The following INSRR variants were observed in gnomAD, a reference collection of about 807,000 sequenced individuals.
INSRR encodes the protein insulin receptor-related protein.
A neutral mutation model predicts 130.0 loss-of-function variants in INSRR; 114 were observed. The ratio of observed to expected loss-of-function variants is 0.88; its 90% confidence interval spans 0.75 to 1.02. The LOEUF (loss-of-function observed/expected upper bound fraction) is 1.02. INSRR is among the 50% of genes least tolerant of loss of function. INSRR has a pLI of 0.00. For missense variants in INSRR, 1,657 were observed against 1,735.2 expected, an observed-to-expected ratio of 0.95 and a Z score of 0.80; for synonymous variants, 674 against 705.2, an observed-to-expected ratio of 0.96 and a Z score of 0.70.
Position 156,852,005 on chromosome 1 carries a change from A to G in INSRR, c.824T>C (p.Val275Ala). The change falls in exon 3 of 22, where the codon GTC becomes GCC. Residue 275 changes from valine to alanine, a missense_variant. By Grantham distance (64) the Val-to-Ala change is moderately conservative (BLOSUM62 0). Coordinates refer to ENST00000368195, the MANE Select transcript of INSRR (RefSeq NM_014215.3). The stretch of plus-strand genomic sequence containing the variant: ...CAGGCTGGCACAGCGCTCAGCTGTG[A>G]CACAGCGCCAGGACTCATACTGGTA... ...GTYQYESWRC[V>A]TAERCASLHS... 1 of 1,612,940 alleles carries G rather than the reference A, an allele frequency of 6.2e-7. No individual in the cohort carries two copies. Among genetic ancestry groups the G allele is most frequent in the Non-Finnish European group, 8.5e-7 (1 of 1,179,440 alleles).
intron 2 of INSRR, among the ~76,000 whole-genome samples, chr1:156,852,759 G>A (rs991841094): frequency 6.6e-6 from 1 of 152,208 alleles, no homozygotes; most frequent in African/African-American, 2.4e-5. Flanking sequence ...CTATGGGAGC[G>A]ATCTGTGGGG....
In INSRR at chr1:156,844,160, G is replaced by A. The variant is rs753311076; in HGVS notation, c.2843+15C>T. The A allele has an allele frequency of 1.3e-6, 2 of 1,589,858 alleles. No individual in the cohort carries two copies. Among genetic ancestry groups the A allele is most frequent in the Non-Finnish European group, 1.7e-6 (2 of 1,159,022 alleles). ...GGGAGAAAAGGGGGTGGGGACCGGT[G>A]GGACTTATCATCACCTCTTCTTGCC... On this transcript the variant is annotated intron_variant, in intron 15 of 21. Coordinates refer to ENST00000368195, the MANE Select transcript of INSRR (RefSeq NM_014215.3).
rs1254300726 is a variant in INSRR at position 156,843,018 on chromosome 1, T to C, written c.3112A>G (p.Lys1038Glu). The C allele has an allele frequency of 5.6e-6, 9 of 1,613,412 alleles. No individual in the cohort carries two copies. The highest frequency in any genetic ancestry group is 7.6e-6 in the Non-Finnish European group (9 of 1,179,506). The change falls in exon 17 of 22, where the codon AAG becomes GAG. Residue 1038 changes from lysine (K) to glutamate (E), a missense_variant. Transcript: ENST00000368195. ...CTCTCCCTTACCACATGGTGACACT[T>C]GAAGGCTTTCATGACAGAAGCTTCC... ...LKEASVMKAF[K>E]CHHVVRLLGV...
rs369873985 is a variant in INSRR at position 156,844,636 on chromosome 1, G to T, written c.2575-12C>A. 5.9e-5 allele frequency: 95 copies of T among 1,613,880 alleles called. No individual in the cohort carries two copies. The highest frequency in any genetic ancestry group is 1.0e-4 in the Admixed American group (6 of 60,002). ...AGCACTGTGGCCTCCTGAGAGTAAC[G>T]CAGAACAGCTGGCTGGGAAGGCGAT... On this transcript the variant is annotated splice_polypyrimidine_tract_variant and intron_variant, in intron 13 of 21. Transcript: ENST00000368195.
At position 156,846,546 on chromosome 1, in the gene INSRR, TG is replaced by T. The variant is rs1558086977; in HGVS notation, c.1782del (p.Ile595SerfsTer136). On this transcript the variant is annotated frameshift_variant, in exon 8 of 22. Transcript: ENST00000368195. LOFTEE classifies it high-confidence loss of function. ...EDSPHQGAQS[P>X]IVYLRTLPAA... ...GCAGGCAGCGTTCGGAGGTAGACGA[TG>T]GGACTCTGGGCTCCTTGATGAGGGC... 2 of 1,614,154 alleles carry T rather than the reference TG, an allele frequency of 1.2e-6. No homozygotes were observed. Among genetic ancestry groups the T allele is most frequent in the Non-Finnish European group, 1.7e-6 (2 of 1,180,002 alleles).
chr1:156,858,539 T>C lies in INSRR; in HGVS notation c.83A>G (p.Glu28Gly). ...GGGAGCCAGTTCTGGGGACTCACCC[T>C]CTACTGTATCCAGGCCAAATCCCAA... ...LSLGFGLDTVEVCPSLDIRSE... is the reference protein window; with the variant it reads ...LSLGFGLDTVGVCPSLDIRSE... Residue 28 changes from glutamate (E) to glycine (G), a missense_variant and splice_region_variant, in exon 1 of 22, where the codon GAG becomes GGG. Transcript: ENST00000368195. The C allele has an allele frequency of 6.2e-7, 1 of 1,613,474 alleles. No individual in the cohort carries two copies. Among genetic ancestry groups the C allele is most frequent in the South Asian group, 1.1e-5 (1 of 91,076 alleles).
At chr1:156,848,082 G>A (rs1655073370) in intron 7 of INSRR, among the ~76,000 whole-genome samples, 1 of 151,934 alleles carries the variant, frequency 6.6e-6, no homozygotes, top group South Asian at 2.1e-4. Flanking sequence ...GCGAGGCCCA[G>A]GAATCTGTAT....
Position 156,841,807 on chromosome 1 carries a change from G to A in INSRR, c.3398-13C>T, listed in dbSNP as rs780826465. The A allele has an allele frequency of 6.2e-7, 1 of 1,614,144 alleles. No homozygotes were observed. The highest frequency in any genetic ancestry group is 1.1e-5 in the South Asian group (1 of 91,080). On this transcript the variant is annotated splice_polypyrimidine_tract_variant and intron_variant, in intron 19 of 21. Transcript: ENST00000368195. The stretch of plus-strand genomic sequence containing the variant: ...GTCATCCCGAAGTCTGGAAAGTGAG[G>A]GTGAGGGTGGAGGAGGTGTGGGGCA...
chr1:156,842,015 AG>A, intron 19 of INSRR, 96 bp downstream of exon 19: 2 of 1,585,742 alleles, frequency 1.3e-6, no homozygotes, highest in Non-Finnish European at 1.7e-6. Context: ...AGGGTCTCAC[AG>A]GCTGTCAGGA....
chr1:156,844,420 G>A (rs903473844), intron 14 of INSRR, 42 bp downstream of exon 14: 5 of 1,599,356 alleles, frequency 3.1e-6, no homozygotes, highest in Non-Finnish European at 3.4e-6. Flanking sequence ...GACCAGGTAG[G>A]GCTGTTCGGT....
At chr1:156,841,625 C>T in intron 20 of INSRR, 40 bp downstream of exon 20, 3 of 1,610,148 alleles carry the variant, frequency 1.9e-6, no homozygotes, top group Non-Finnish European at 2.5e-6. Context: ...CAGATCCCGC[C>T]TCCACATCCC....
rs1655120560 is a variant in INSRR, at chr1:156,849,263, T to C, written c.1427A>G (p.Asn476Ser). ...GGTCTCACAGGCGGCGCGGTCTCCG[T>C]TGGTGCGGGGGTTGATCTCAGCCTT... ...QNKAEINPRT[N>S]GDRAACQTRT... The change falls in exon 6 of 22, where the codon AAC (asparagine) becomes AGC (serine). Residue 476 changes from asparagine to serine, a missense_variant. Coordinates refer to ENST00000368195, the MANE Select transcript of INSRR (RefSeq NM_014215.3). 3.7e-6 allele frequency: 6 copies of C among 1,613,706 alleles called. No individual in the cohort carries two copies. The highest frequency in any genetic ancestry group is 5.1e-6 in the Non-Finnish European group (6 of 1,179,992).
chr1:156,848,935 C>T lies in INSRR; in HGVS notation c.1557G>A (p.Val519=), dbSNP rs1439011415. Residue 519 remains valine (V), a synonymous_variant, in exon 7 of 22, where the codon GTG becomes GTA. Transcript: ENST00000368195. The part of the protein sequence containing the change: ...LEARDLLSFI[V]YYKESPFQNA... ...CCGGCACTCACGACTCCTTGTAGTA[C>T]ACGATGAAGCTGAGCAGGTCGCGGG... 6.3e-7 allele frequency: 1 copy of T among 1,581,164 alleles called. No homozygotes were observed. Among genetic ancestry groups the T allele is most frequent in the Non-Finnish European group, 8.6e-7 (1 of 1,163,804 alleles).
Position 156,849,303 on chromosome 1 carries a change from G to T in INSRR, c.1387C>A (p.Arg463=), listed in dbSNP as rs749184269. 6.2e-7 allele frequency: 1 copy of T among 1,613,940 alleles called. No individual in the cohort carries two copies. Among genetic ancestry groups the T allele is most frequent in the Non-Finnish European group, 8.5e-7 (1 of 1,180,014 alleles). Residue 463 remains arginine, a synonymous_variant, in exon 6 of 22, where the codon CGA becomes AGA. Transcript: ENST00000368195. ...ATCTCAGCCTTGTTCTGCCGACCTC[G>T]CGTGCCTGTCACCTCCTCCAGTCGG... ...IYRLEEVTGT[R]GRQNKAEINP...
At chr1:156,842,901 C>A in intron 17 of INSRR, 103 bp downstream of exon 17, 1 of 903,720 alleles carries the variant, frequency 1.1e-6, no homozygotes, top group Non-Finnish European at 1.7e-6. Context: ...TGGTCCCAAT[C>A]TTGACCTTAA....
In INSRR at chr1:156,840,802, G is replaced by A; in HGVS notation, c.*71C>T. 1 of 1,180,664 alleles carries A rather than the reference G, an allele frequency of 8.5e-7. No homozygotes were observed. Among genetic ancestry groups the A allele is most frequent in the Non-Finnish European group, 1.2e-6 (1 of 808,228 alleles). 73.1% of individuals were successfully genotyped at this position (1,180,664 alleles called of 1,614,324 possible). The stretch of plus-strand genomic sequence containing the variant: ...AGTTGGGGTGGGGGTGAACATTCAG[G>A]CGTCTCAGCCACAGAGGTCGGGTCC... On this transcript the variant is annotated 3_prime_UTR_variant, in exon 22 of 22. Coordinates refer to ENST00000368195, the MANE Select transcript of INSRR (RefSeq NM_014215.3).
In INSRR at chr1:156,841,395, G is replaced by A. The variant is rs1176974538; in HGVS notation, c.3661C>T (p.Leu1221=). ...LEELEGCPLQ[L]QELMSRCWQP... ...GAAGGGGCAGGGGAGGTGACTCACA[G>A]CTGAAGGGGACAGCCCTCCAGCTCC... Residue 1221 remains leucine, a splice_region_variant and synonymous_variant, in exon 21 of 22, where the codon CTG becomes TTG. Coordinates refer to ENST00000368195, the MANE Select transcript of INSRR (RefSeq NM_014215.3). The A allele has an allele frequency of 6.2e-7, 1 of 1,613,706 alleles. No individual in the cohort carries two copies. Among genetic ancestry groups the A allele is most frequent in the Non-Finnish European group, 8.5e-7 (1 of 1,179,738 alleles).
chr1:156,856,810 C>T (rs1054497478), intron 1 of INSRR, among the ~76,000 whole-genome samples: 2 of 152,158 alleles, frequency 1.3e-5, no homozygotes, highest in Non-Finnish European at 2.9e-5. Context: ...TCCTTGGGGA[C>T]CTGGGTGTGT....
chr1:156,842,897 C>T, intron 17 of INSRR, 107 bp downstream of exon 17: 1 of 865,312 alleles, frequency 1.2e-6, no homozygotes. Context: ...ACCATGGTCC[C>T]AATCTTGACC....
Sources: allele counts gnomAD v4.1 joint callset (sites outside exome capture counted in the v4.1 genomes callset), GRCh38; gene constraint gnomAD v4.1.1; transcripts MANE v1.5; gene names NCBI Gene and HGNC (gene_info 2026-07-23, HGNC 2026-07-21).